CPSF4: variants seen among roughly 807,000 people sequenced by gnomAD.
The protein encoded by CPSF4 is cleavage and polyadenylation specific factor 4.
Under a neutral mutation model 37.7 loss-of-function variants are expected in CPSF4, and 11 were observed. That is an observed-to-expected ratio of 0.29 (90% confidence interval 0.18 to 0.48). CPSF4 has a LOEUF of 0.48. CPSF4 is among the 20% of genes least tolerant of loss of function. The pLI, the probability that CPSF4 is intolerant of heterozygous loss-of-function variation, is 0.99. For synonymous variants in CPSF4, 132 were observed against 135.9 expected (o/e 0.97, Z 0.20); for missense variants, 144 against 359.5 (o/e 0.40, Z 4.85).
chr7:99,443,165 C>T (rs754060133), intron 1 of CPSF4: 1 of 786,780 alleles, frequency 1.3e-6, no homozygotes, highest in Non-Finnish European at 2.4e-6. Flanking sequence ...TCTTACTCTC[C>T]AAGCTCACAG....
intron 7 of CPSF4, 96 bp from the exon 8 acceptor site, chr7:99,456,336 G>A: frequency 9.6e-7 from 1 of 1,040,824 alleles, no homozygotes; most frequent in Non-Finnish European, 1.5e-6. Context: ...CTTGGTGGAT[G>A]ATTTGGGATT....
At chr7:99,441,429 G>A (rs1039177325) in intron 1 of CPSF4, 6 of 456,184 alleles carry the variant, frequency 1.3e-5, no homozygotes, top group African/African-American at 1.2e-4. Context: ...CATGGGTGTT[G>A]CTCCAGCCAG....
At chr7:99,443,435 A>G (rs1008957807) in intron 1 of CPSF4, 14 of 1,323,930 alleles carry the variant, frequency 1.1e-5, no homozygotes, top group Non-Finnish European at 1.5e-5. Context: ...AACCACAAGA[A>G]GACATTCTTG....
At chr7:99,442,271 TGGTCCCTGGA>T (rs1797051439) in intron 1 of CPSF4, among the ~76,000 whole-genome samples, 1 of 152,204 alleles carries the variant, frequency 6.6e-6, no homozygotes, top group Admixed American at 6.6e-5. Flanking sequence ...TCAGAACAGC[TGGTCCCTGGA>T]GCCCACTGAA....
chr7:99,440,674 A>ATATATTTTTTTTTTTTT, intron 1 of CPSF4, among the ~76,000 whole-genome samples: 1 of 88,082 alleles, frequency 1.1e-5, no homozygotes, highest in East Asian at 3.4e-4. Flanking sequence ...ATATATATAT[A>ATATATTTTTTTTTTTTT]TTTTTTTTTT....
chr7:99,443,508 T>A (rs1485721867), intron 1 of CPSF4: 10 of 748,474 alleles, frequency 1.3e-5, no homozygotes, highest in Non-Finnish European at 2.4e-5. Context: ...TTGTTACCCC[T>A]CCGGGTGTGC....
chr7:99,441,281 G>A, intron 1 of CPSF4: 1 of 401,580 alleles, frequency 2.5e-6, no homozygotes, highest in African/African-American at 2.0e-5. Flanking sequence ...GCACTAGCTT[G>A]AGACCATGGA....
chr7:99,448,322 G>C lies in CPSF4; in HGVS notation c.307+49G>C. On this transcript the variant is annotated intron_variant, in intron 3 of 7. Transcript: ENST00000292476. This position sits in a 1 kb window ranked among gnomAD's most constrained non-coding sequence, Gnocchi z 4.4. ...GCTCTGCTGAGAACCAGGGTGCAGA[G>C]GGGTCCGCTGGCTGCTCAGTGCCCA... 1.9e-6 allele frequency: 3 copies of C among 1,597,408 alleles called. No homozygotes were observed. Among genetic ancestry groups the C allele is most frequent in the South Asian group, 2.2e-5 (2 of 89,520 alleles).
chr7:99,449,255 T>G (rs1445506274), intron 3 of CPSF4: 2 of 152,312 alleles, frequency 1.3e-5, no homozygotes, highest in Non-Finnish European at 1.5e-5. Flanking sequence ...GGCTTATCAA[T>G]GAGAGCTGTG....
intron 7 of CPSF4, among the ~76,000 whole-genome samples, chr7:99,455,808 C>A (rs908321991): frequency 1.3e-5 from 2 of 152,238 alleles, no homozygotes; most frequent in Non-Finnish European, 2.9e-5. Flanking sequence ...CAAGTCTAAG[C>A]ATCGTCCCAT....
chr7:99,451,780 A>G (rs13227795), intron 5 of CPSF4, among the ~76,000 whole-genome samples: 56,501 of 152,116 alleles, frequency 0.37, 16,794 homozygotes, highest in African/African-American at 0.82. Context: ...CACTGGGGCC[A>G]CAGACAAGCC....
rs764310446 is a variant in CPSF4, at chr7:99,450,314, G to A, written c.346G>A (p.Asp116Asn). Residue 116 changes from aspartate (D) to asparagine (N), a missense_variant, in exon 4 of 8, where the codon GAC becomes AAC. Physicochemically the swap from Asp to Asn is conservative, Grantham distance 23. Transcript: ENST00000292476. ...CAAGGAATGTCCCTTCCTGCACATC[G>A]ACCCCGAGTCCAAGATCAAGGACTG... ...SNKECPFLHI[D>N]PESKIKDCPW... 1 of 1,613,914 alleles carries A rather than the reference G, an allele frequency of 6.2e-7. No individual in the cohort carries two copies.
At chr7:99,452,680 C>T (rs929046067) in intron 6 of CPSF4, 11 of 510,014 alleles carry the variant, frequency 2.2e-5, no homozygotes, top group African/African-American at 9.7e-5. Flanking sequence ...ACAGTCCAGG[C>T]GCCGTGCAAC....
intron 5 of CPSF4, among the ~76,000 whole-genome samples, chr7:99,451,651 C>T (rs188015652): frequency 1.1e-4 from 16 of 152,328 alleles, no homozygotes; most frequent in Admixed American, 2.0e-4. Flanking sequence ...CCTCCGAAGA[C>T]GGGTTTTAAT....
chr7:99,443,746 C>G (rs1797230024), intron 1 of CPSF4, among the ~76,000 whole-genome samples: 1 of 151,938 alleles, frequency 6.6e-6, no homozygotes, highest in Non-Finnish European at 1.5e-5. Flanking sequence ...TGGCAAAACC[C>G]TATCTCTACT....
chr7:99,444,851 CG>C lies in CPSF4; in HGVS notation c.154+15del. On this transcript the variant is annotated intron_variant, in intron 2 of 7. Coordinates refer to ENST00000292476, the MANE Select transcript of CPSF4 (RefSeq NM_006693.4). The stretch of plus-strand genomic sequence containing the variant: ...TGCCTGCGGCAAAGGTAAGAAACTC[CG>C]GGCTCCCTGATGTGCCTCCGGAGGC... 1.9e-6 allele frequency: 3 copies of C among 1,613,032 alleles called. No homozygotes were observed. The South Asian group carries it at 3.3e-5, about 18-fold the overall frequency.
chr7:99,439,971 C>T (rs1796743151), intron 1 of CPSF4, among the ~76,000 whole-genome samples: 1 of 152,174 alleles, frequency 6.6e-6, no homozygotes. Flanking sequence ...TGCTCCCCTT[C>T]ATATGGTGGC....
intron 1 of CPSF4, chr7:99,443,030 A>G: frequency 4.5e-6 from 6 of 1,326,434 alleles, no homozygotes; most frequent in Non-Finnish European, 6.5e-6. Flanking sequence ...TGGAAATTGA[A>G]GAGACATTCA....
chr7:99,446,749 A>G (rs1156613016), intron 2 of CPSF4, among the ~76,000 whole-genome samples: 2 of 125,168 alleles, frequency 1.6e-5, no homozygotes, highest in African/African-American at 6.3e-5. Flanking sequence ...CCAGGACTAC[A>G]GGTGTACACC....
Sources: allele counts gnomAD v4.1 joint callset (sites outside exome capture counted in the v4.1 genomes callset), GRCh38; gene constraint gnomAD v4.1.1; non-coding constraint Gnocchi (gnomAD v3.1); transcripts MANE v1.5; gene names NCBI Gene and HGNC (gene_info 2026-07-23, HGNC 2026-07-21).